Variants in HDAC9 observed in about 807,000 individuals in gnomAD.
HDAC9 encodes the protein histone deacetylase 9, also known as MEF-2 interacting transcription repressor (MITR) protein.
In HDAC9, 41 loss-of-function variants were observed where a neutral mutation model predicts 139.4. The observed-to-expected ratio is 0.29, with a 90% CI of 0.23 to 0.38. The LOEUF (loss-of-function observed/expected upper bound fraction) is 0.38. Ranked by LOEUF, HDAC9 falls within the 10% of genes least tolerant of loss-of-function variation. The pLI is 1.00. For missense variants in HDAC9, 1,147 were observed against 1,297.0 expected (o/e 0.88, Z 1.78); for synonymous variants, 517 against 476.2 (o/e 1.09, Z -1.12).
chr7:18,623,905 T>C (rs801508), intron 6 of HDAC9, among the ~76,000 whole-genome samples: 110,386 of 152,042 alleles, frequency 0.73, 40,269 homozygotes, highest in East Asian at 0.83. Context: ...CGGCACTGCA[T>C]TCCAGCATGG....
intron 1 of HDAC9, among the ~76,000 whole-genome samples, chr7:18,342,964 A>G (rs183998822): frequency 1.8e-3 from 278 of 151,888 alleles, no homozygotes; most frequent in Non-Finnish European, 2.6e-3. Flanking sequence ...CTTGGGAGAA[A>G]TTGTATTAAG....
At chr7:18,804,367 G>T (rs551664580) in intron 17 of HDAC9, among the ~76,000 whole-genome samples, 1 of 152,116 alleles carries the variant, frequency 6.6e-6, no homozygotes, top group African/African-American at 2.4e-5. Flanking sequence ...GCATGTACAC[G>T]TCCACCCTCA....
At chr7:18,641,185 C>G (rs559671082) in intron 8 of HDAC9, among the ~76,000 whole-genome samples, 4 of 152,078 alleles carry the variant, frequency 2.6e-5, no homozygotes, top group African/African-American at 9.7e-5. Flanking sequence ...GCATAATGTT[C>G]CAGTCCATGT....
chr7:18,373,737 T>C (rs1438133856), intron 1 of HDAC9, among the ~76,000 whole-genome samples: 1 of 152,114 alleles, frequency 6.6e-6, no homozygotes, highest in Non-Finnish European at 1.5e-5. Flanking sequence ...TAACCCTTCT[T>C]TTCTAATCAT....
intron 2 of HDAC9, among the ~76,000 whole-genome samples, chr7:18,262,895 A>G (rs141964525): frequency 0.024 from 3,696 of 151,988 alleles, 68 homozygotes; most frequent in Middle Eastern, 0.038. Flanking sequence ...AAAATGATAC[A>G]TTATAAAATA....
At position 18,151,020 on chromosome 7, in the gene HDAC9, T is replaced by TTCCTTA. The variant is rs1273780984; in HGVS notation, c.-96-11209_-96-11208insTCCTTA. On this transcript the variant is annotated intron_variant, in intron 1 of 12. Coordinates refer to the HDAC9 transcript ENST00000417496. ...CAGATGTTGGATTGAGCTATTTATATGTGTTAATCTGTCTCAGTCTATTTT... is the reference window on the plus strand; with the variant it reads ...CAGATGTTGGATTGAGCTATTTATATTCCTTAGTGTTAATCTGTCTCAGTCTATTTT... 2.4e-4 allele frequency among the ~76,000 whole-genome samples: 37 copies of TTCCTTA among 152,350 alleles called. 1 individual carries two copies. In the East Asian group the frequency reaches 6.5e-3, roughly 27 times the overall value.
chr7:18,363,230 A>G (rs1486203671), intron 1 of HDAC9, among the ~76,000 whole-genome samples: 3 of 152,094 alleles, frequency 2.0e-5, no homozygotes, highest in Non-Finnish European at 4.4e-5. Context: ...TTTTCCATAT[A>G]ATTTCCCTCC....
intron 6 of HDAC9, among the ~76,000 whole-genome samples, chr7:18,594,972 A>G (rs562275542): frequency 1.3e-5 from 2 of 152,228 alleles, no homozygotes; most frequent in African/African-American, 2.4e-5. Flanking sequence ...CAGAGTGAAA[A>G]TGATTTCAAA....
chr7:18,714,826 C>T (rs947011607), intron 12 of HDAC9, among the ~76,000 whole-genome samples: 1 of 152,152 alleles, frequency 6.6e-6, no homozygotes, highest in African/African-American at 2.4e-5. Flanking sequence ...AGAAGAGTGA[C>T]TGGATCTGTT....
intron 1 of HDAC9, among the ~76,000 whole-genome samples, chr7:18,302,431 CAAA>C (rs1798602687): frequency 6.6e-6 from 1 of 152,088 alleles, no homozygotes; most frequent in Non-Finnish European, 1.5e-5. Context: ...GTTGAGGTGT[CAAA>C]GAAGGGCGTT....
At chr7:18,676,754 T>G (rs1482215138) in intron 12 of HDAC9, among the ~76,000 whole-genome samples, 2 of 151,936 alleles carry the variant, frequency 1.3e-5, no homozygotes, top group Non-Finnish European at 2.9e-5. Context: ...TGTATATATT[T>G]TATGTCTTTA....
intron 2 of HDAC9, among the ~76,000 whole-genome samples, chr7:18,547,100 A>C (rs1815114064): frequency 6.6e-6 from 1 of 152,238 alleles, no homozygotes; most frequent in African/African-American, 2.4e-5. Context: ...ATTAAAAATT[A>C]CTTTATTGCT....
intron 2 of HDAC9, among the ~76,000 whole-genome samples, chr7:18,541,606 T>C (rs1402435675): frequency 6.6e-6 from 1 of 152,140 alleles, no homozygotes; most frequent in African/African-American, 2.4e-5. Context: ...GTGACAAACA[T>C]AATAATTAAT....
At chr7:18,441,744 T>C (rs780892733) in intron 1 of HDAC9, among the ~76,000 whole-genome samples, 29 of 151,868 alleles carry the variant, frequency 1.9e-4, no homozygotes, top group Admixed American at 7.2e-4. Context: ...CATATATATA[T>C]ACACACACAC....
At chr7:18,975,575 T>C (rs1261411123) in intron 24 of HDAC9, among the ~76,000 whole-genome samples, 5 of 152,168 alleles carry the variant, frequency 3.3e-5, no homozygotes, top group Admixed American at 2.0e-4. Flanking sequence ...CCTCACTTTA[T>C]TGCTGTGTAA....
At chr7:18,750,584 A>AT (rs199920497) in intron 14 of HDAC9, among the ~76,000 whole-genome samples, 2,257 of 150,872 alleles carry the variant, frequency 0.015, 45 homozygotes, top group African/African-American at 0.043. Context: ...TCTATTACTC[A>AT]TTTTTTTTTG....
At chr7:18,599,622 A>G (rs1169137118) in intron 6 of HDAC9, among the ~76,000 whole-genome samples, 1 of 152,176 alleles carries the variant, frequency 6.6e-6, no homozygotes. Flanking sequence ...ATTTTGGTAG[A>G]TTGAAGCTTT....
At chr7:18,194,784 C>A (rs902660083) in intron 2 of HDAC9, among the ~76,000 whole-genome samples, 97 of 152,154 alleles carry the variant, frequency 6.4e-4, no homozygotes, top group Non-Finnish European at 8.7e-4. Flanking sequence ...AGTTCTTCCA[C>A]TTGTTATTTA....
chr7:18,804,343 C>T (rs967349002), intron 17 of HDAC9, among the ~76,000 whole-genome samples: 6 of 152,178 alleles, frequency 3.9e-5, no homozygotes, highest in Non-Finnish European at 7.3e-5. Context: ...TAGTCAAGTG[C>T]TACATGATGG....
Sources: allele counts gnomAD v4.1 joint callset (sites outside exome capture counted in the v4.1 genomes callset), GRCh38; gene constraint gnomAD v4.1.1; transcripts MANE v1.5; gene names NCBI Gene and HGNC (gene_info 2026-07-23, HGNC 2026-07-21).